The following DPH5 variants were observed in gnomAD, a reference collection of about 807,000 sequenced individuals.
DPH5 encodes diphthamide biosynthesis 5, also known as diphthine methyl ester synthase.
A neutral mutation model predicts 31.6 loss-of-function variants in DPH5; 31 were observed. That is an observed-to-expected ratio of 0.98 (90% confidence interval 0.74 to 1.32). DPH5 has a LOEUF of 1.32. DPH5 is among the 40% of genes most tolerant of loss of function. DPH5 has a pLI of 0.00. For missense variants in DPH5, 309 were observed against 335.7 expected, an observed-to-expected ratio of 0.92 and a Z score of 0.62; for synonymous variants, 120 against 115.0, an observed-to-expected ratio of 1.04 and a Z score of -0.28.
chr1:100,997,976 T>TA (rs1394528319), intron 5 of DPH5, among the ~76,000 whole-genome samples: 1 of 152,188 alleles, frequency 6.6e-6, no homozygotes, highest in Non-Finnish European at 1.5e-5. Flanking sequence ...TCACAAGTCT[T>TA]ACAGTGTCCT....
At chr1:101,014,588 G>T (rs1659935107) in intron 3 of DPH5, among the ~76,000 whole-genome samples, 1 of 152,162 alleles carries the variant, frequency 6.6e-6, no homozygotes, top group South Asian at 2.1e-4. Context: ...GATCAGGGTG[G>T]TGGTTGCTAA....
In DPH5 at chr1:101,025,429, G is replaced by A. The variant is rs1366512657; in HGVS notation, c.15C>T (p.Ile5=). Reference sequence around the variant, plus strand: ...CCTTGGCATCTCCCAGGCCCAACCCGATGAGATAAAGCATTTCAAACTTGA... The same window carrying A: ...CCTTGGCATCTCCCAGGCCCAACCCAATGAGATAAAGCATTTCAAACTTGA... MLYL[I]GLGLGDAKDI... Residue 5 remains isoleucine (I), a synonymous_variant, in exon 2 of 8, where the codon ATC becomes ATT. Coordinates refer to ENST00000370109, the MANE Select transcript of DPH5 (RefSeq NM_015958.3). 1 of 1,613,982 alleles carries A rather than the reference G, an allele frequency of 6.2e-7. No individual in the cohort carries two copies. Among genetic ancestry groups the A allele is most frequent in the Non-Finnish European group, 8.5e-7 (1 of 1,180,024 alleles).
At chr1:101,007,625 G>T (rs575783366) in intron 4 of DPH5, among the ~76,000 whole-genome samples, 2 of 152,008 alleles carry the variant, frequency 1.3e-5, no homozygotes, top group Non-Finnish European at 2.9e-5. Context: ...TGAGGCAGGA[G>T]AATGGCATGA....
intron 4 of DPH5, among the ~76,000 whole-genome samples, chr1:101,009,567 A>T (rs903773037): frequency 6.6e-6 from 1 of 152,112 alleles, no homozygotes; most frequent in Middle Eastern, 3.2e-3. Context: ...CTTATGCCCT[A>T]CTCCATACAG....
intron 4 of DPH5, among the ~76,000 whole-genome samples, chr1:101,002,510 TATCTC>T (rs1570669392): frequency 6.6e-6 from 1 of 152,228 alleles, no homozygotes; most frequent in African/African-American, 2.4e-5. Context: ...TATTAGTTCT[TATCTC>T]AGCACTGAGC....
intron 4 of DPH5, among the ~76,000 whole-genome samples, chr1:101,012,320 T>C (rs992633621): frequency 6.6e-6 from 1 of 152,216 alleles, no homozygotes; most frequent in Non-Finnish European, 1.5e-5. Flanking sequence ...CCATGGTTTT[T>C]AGTTTCTGTC....
intron 5 of DPH5, among the ~76,000 whole-genome samples, chr1:100,998,449 C>T (rs920474880): frequency 6.7e-6 from 1 of 149,884 alleles, no homozygotes; most frequent in Non-Finnish European, 1.5e-5. Context: ...GCAGAGGTTG[C>T]AGTGAGCCGA....
At position 100,990,612 on chromosome 1, in the gene DPH5, A is replaced by C. The variant is rs775114883; in HGVS notation, c.654T>G (p.Leu218=). 1 of 1,614,096 alleles carries C rather than the reference A, an allele frequency of 6.2e-7. No individual in the cohort carries two copies. ...CTCCAACCCTGGCTAAGCCAACACA[A>C]AGTGTCTCCTCGGTAACTGCTATTA... The part of the protein sequence containing the change: ...GEEPAVTEET[L]CVGLARVGAD... Residue 218 remains leucine (L), a synonymous_variant, in exon 8 of 8, where the codon CTT becomes CTG. Transcript: ENST00000370109.
chr1:100,992,667 G>C lies in DPH5; in HGVS notation c.604C>G (p.Gln202Glu). The change falls in exon 7 of 8, where the codon CAA becomes GAA. Residue 202 changes from glutamine to glutamate, a missense_variant. Transcript: ENST00000370109. ...QAAQQLLEIVQNQRIRGEEPA... is the reference protein window; with the variant it reads ...QAAQQLLEIVENQRIRGEEPA... ...TCTTCTCCTCGTATTCTTTGATTTT[G>C]AACAATCTCCAGAAGCTGCTGGGCT... is the stretch of plus-strand genomic sequence containing the variant. 6.2e-7 allele frequency: 1 copy of C among 1,613,780 alleles called. No homozygotes were observed. Among genetic ancestry groups the C allele is most frequent in the Non-Finnish European group, 8.5e-7 (1 of 1,179,854 alleles).
In DPH5 at chr1:100,990,179, A is replaced by G; in HGVS notation, c.*229T>C. ...TCACAGGGCGGCAAGAGTGAGAATG[A>G]GAGCCAGTAGGGGAAATGCCAGGCA... On this transcript the variant is annotated 3_prime_UTR_variant, in exon 8 of 8. Transcript: ENST00000370109. 2 of 521,964 alleles carry G rather than the reference A, an allele frequency of 3.8e-6. No homozygotes were observed. The highest frequency in any genetic ancestry group is 6.9e-6 in the Non-Finnish European group (2 of 291,858). 32.3% of individuals were successfully genotyped at this position (521,964 alleles called of 1,614,324 possible).
intron 4 of DPH5, among the ~76,000 whole-genome samples, chr1:101,007,132 G>T (rs1022435209): frequency 1.3e-5 from 2 of 152,068 alleles, no homozygotes; most frequent in African/African-American, 2.4e-5. Context: ...TCTAATATTT[G>T]TTTGGCCTAT....
intron 4 of DPH5, among the ~76,000 whole-genome samples, chr1:101,001,978 C>T (rs1000181166): frequency 1.3e-5 from 2 of 152,048 alleles, no homozygotes; most frequent in Admixed American, 1.3e-4. Flanking sequence ...CAGATGAGAC[C>T]ATCAAGGCTT....
chr1:100,999,013 G>A (rs1232229093), intron 5 of DPH5, among the ~76,000 whole-genome samples: 6 of 152,266 alleles, frequency 3.9e-5, no homozygotes, highest in East Asian at 1.9e-4. Context: ...GAAGGTGCAC[G>A]GCCATGTTCC....
chr1:101,017,641 AGAACCTGTG>A (rs1660169298), intron 3 of DPH5, among the ~76,000 whole-genome samples: 1 of 152,262 alleles, frequency 6.6e-6, no homozygotes, highest in South Asian at 2.1e-4. Flanking sequence ...GCAAACAAGT[AGAACCTGTG>A]GACTGGTCAA....
intron 4 of DPH5, among the ~76,000 whole-genome samples, chr1:101,009,110 T>A (rs1052053290): frequency 2.0e-5 from 3 of 152,198 alleles, no homozygotes; most frequent in Non-Finnish European, 2.9e-5. Context: ...ACCTACCCCA[T>A]GACTTTAACT....
intron 5 of DPH5, among the ~76,000 whole-genome samples, chr1:100,999,012 C>T (rs1470502833): frequency 6.6e-6 from 1 of 152,154 alleles, no homozygotes; most frequent in African/African-American, 2.4e-5. Context: ...TGAAGGTGCA[C>T]GGCCATGTTC....
chr1:101,007,316 G>A (rs1659304341), intron 4 of DPH5, among the ~76,000 whole-genome samples: 1 of 152,016 alleles, frequency 6.6e-6, no homozygotes, highest in South Asian at 2.1e-4. Context: ...TATTATCAAG[G>A]AAAATGGTTC....
At position 101,025,433 on chromosome 1, in the gene DPH5, A is replaced by C. The variant is rs747835119; in HGVS notation, c.11T>G (p.Leu4Arg). ...GGCATCTCCCAGGCCCAACCCGATG[A>C]GATAAAGCATTTCAAACTTGAGGAG... is the stretch of plus-strand genomic sequence containing the variant. MLY[L>R]IGLGLGDAKD... The change falls in exon 2 of 8, where the codon CTC becomes CGC. Residue 4 changes from leucine to arginine, a missense_variant. Leu to Arg is a moderately radical substitution (Grantham distance 102). Coordinates refer to ENST00000370109, the MANE Select transcript of DPH5 (RefSeq NM_015958.3). 1.2e-6 allele frequency: 2 copies of C among 1,614,152 alleles called. No individual in the cohort carries two copies. Among genetic ancestry groups the C allele is most frequent in the Non-Finnish European group, 1.7e-6 (2 of 1,180,024 alleles).
At chr1:100,993,559 A>AATATATATATATATATATATATATAT (rs10527775) in intron 6 of DPH5, among the ~76,000 whole-genome samples, 26 of 56,524 alleles carry the variant, frequency 4.6e-4, no homozygotes, top group East Asian at 1.1e-3. Context: ...CGAAAATATA[A>AATATATATATATATATATATATATAT]ATATATATAT....
Sources: gnomAD v4.1 joint callset for allele counts (sites outside exome capture counted in the v4.1 genomes callset) on GRCh38, gnomAD v4.1.1 for gene constraint, MANE v1.5 for transcripts, NCBI Gene and HGNC (gene_info 2026-07-23, HGNC 2026-07-21) for gene names.